The following CIT variants were observed in gnomAD, a reference collection of about 807,000 sequenced individuals.
CIT encodes the protein citron Rho-interacting kinase.
Under a neutral mutation model 272.7 loss-of-function variants are expected in CIT, and 79 were observed. The ratio of observed to expected loss-of-function variants is 0.29; its 90% CI spans 0.24 to 0.35. The LOEUF (loss-of-function observed/expected upper bound fraction) is 0.35. Ranked by LOEUF, CIT falls within the 10% of genes least tolerant of loss-of-function variation. The pLI, the probability that CIT is intolerant of heterozygous loss-of-function variation, is 1.00. For missense variants in CIT, 1,909 were observed against 2,618.3 expected, an observed-to-expected ratio of 0.73 and a Z score of 5.91; for synonymous variants, 948 against 995.6, an observed-to-expected ratio of 0.95 and a Z score of 0.90.
At chr12:119,736,025 T>C (rs1430877961) in intron 24 of CIT, among the ~76,000 whole-genome samples, 3 of 152,234 alleles carry the variant, frequency 2.0e-5, no homozygotes, top group Non-Finnish European at 4.4e-5. Context: ...TGTTATTTTA[T>C]TGAGAGAGAT....
intron 5 of CIT, among the ~76,000 whole-genome samples, chr12:119,844,625 TA>T (rs1789074880): frequency 6.6e-6 from 1 of 152,192 alleles, no homozygotes; most frequent in South Asian, 2.1e-4. Context: ...TTTGAGCTTT[TA>T]TGTGAAAACT....
intron 2 of CIT, among the ~76,000 whole-genome samples, chr12:119,874,143 C>T (rs904369167): frequency 1.3e-5 from 2 of 152,100 alleles, no homozygotes; most frequent in Non-Finnish European, 2.9e-5. Flanking sequence ...TCTCGGCTCA[C>T]GACAACCTCC....
At chr12:119,769,717 A>T (rs1260441518) in intron 18 of CIT, among the ~76,000 whole-genome samples, 1 of 152,236 alleles carries the variant, frequency 6.6e-6, no homozygotes, top group Non-Finnish European at 1.5e-5. Context: ...GCAGACATAT[A>T]TACAAAGACT....
At chr12:119,856,637 C>T (rs1229179578) in intron 4 of CIT, among the ~76,000 whole-genome samples, 1 of 152,036 alleles carries the variant, frequency 6.6e-6, no homozygotes, top group Non-Finnish European at 1.5e-5. Flanking sequence ...TTCTCTCTGC[C>T]GAGAACCTAC....
At chr12:119,820,676 T>C (rs886305092) in intron 9 of CIT, among the ~76,000 whole-genome samples, 10 of 151,764 alleles carry the variant, frequency 6.6e-5, no homozygotes, top group African/African-American at 1.9e-4. Flanking sequence ...AATAAAAGAT[T>C]TATTAAAATT....
Position 119,721,214 on chromosome 12 carries a change from T to G in CIT, c.3732+95A>C, listed in dbSNP as rs1347074243. Reference sequence around the variant, plus strand: ...ACTCCTGACCTCAAGTAATCTGCCCTCCTCAGCCTCCCGAAGTGCTGGGAT... The same window carrying G: ...ACTCCTGACCTCAAGTAATCTGCCCGCCTCAGCCTCCCGAAGTGCTGGGAT... On this transcript the variant is annotated intron_variant, in intron 29 of 47. Coordinates refer to ENST00000392521, the MANE Select transcript of CIT (RefSeq NM_001206999.2). The G allele has an allele frequency of 2.6e-6, 3 of 1,147,798 alleles. No homozygotes were observed. In the East Asian group the frequency reaches 8.0e-5, roughly 30 times the overall value. The allele number at this position is 1,147,798 out of a possible 1,614,324, so 71.1% of individuals were successfully genotyped here.
chr12:119,707,206 A>G (rs970314063), intron 40 of CIT, among the ~76,000 whole-genome samples: 3 of 152,112 alleles, frequency 2.0e-5, no homozygotes, highest in African/African-American at 7.2e-5. Flanking sequence ...ATGCAAACAC[A>G]CTTATTTTTA....
In CIT at chr12:119,728,468, C is replaced by T. The variant is rs745338553; in HGVS notation, c.3591+34G>A. 1 of 1,403,130 alleles carries T rather than the reference C, an allele frequency of 7.1e-7. No homozygotes were observed. Among genetic ancestry groups the T allele is most frequent in the Non-Finnish European group, 9.9e-7 (1 of 1,013,104 alleles). The allele number at this position is 1,403,130 out of a possible 1,614,324, so 86.9% of individuals were successfully genotyped here. A position where few individuals can be genotyped will look rare whatever the true frequency, so the allele number is the denominator to read the frequency against. On this transcript the variant is annotated intron_variant, in intron 28 of 47. Coordinates refer to ENST00000392521, the MANE Select transcript of CIT (RefSeq NM_001206999.2). This position sits in a 1 kb window ranked among gnomAD's most constrained non-coding sequence, Gnocchi z 4.3. Reference sequence around the variant, plus strand: ...AGCCTATTAAAAGAAAAAAAAAATCCACTTGGCCCTTCTCCCAGGTATTTC... The same window carrying T: ...AGCCTATTAAAAGAAAAAAAAAATCTACTTGGCCCTTCTCCCAGGTATTTC...
Position 119,735,212 on chromosome 12 carries a change from T to C in CIT, c.3104A>G (p.His1035Arg), listed in dbSNP as rs1958685548. 1.9e-6 allele frequency: 3 copies of C among 1,614,074 alleles called. No individual in the cohort carries two copies. Among genetic ancestry groups the C allele is most frequent in the Non-Finnish European group, 2.5e-6 (3 of 1,180,044 alleles). The change falls in exon 25 of 48, where the codon CAT becomes CGT. Residue 1035 changes from histidine to arginine, a missense_variant. Coordinates refer to ENST00000392521, the MANE Select transcript of CIT (RefSeq NM_001206999.2). ...EIVQLRSEVD[H>R]LRREITEREM... is the part of the protein sequence containing the mutation. ...TCGTTCCGTGATCTCCCGGCGGAGA[T>C]GGTCCACTTCACTTCGCAGTTGTAC...
chr12:119,849,014 AAAG>A (rs1302717812), intron 5 of CIT, among the ~76,000 whole-genome samples: 3 of 152,030 alleles, frequency 2.0e-5, no homozygotes, highest in Non-Finnish European at 4.4e-5. Context: ...GGTCTCAAAA[AAAG>A]AAGAAAAGAA....
chr12:119,704,043 C>G (rs1311776253), intron 41 of CIT, among the ~76,000 whole-genome samples: 4 of 152,150 alleles, frequency 2.6e-5, no homozygotes, highest in African/African-American at 4.8e-5. Flanking sequence ...AAGAGCCCCC[C>G]CTTTTTTTTT....
rs943263428 is a variant in CIT at position 119,740,008 on chromosome 12, G to T, written c.2958+2403C>A. Among the ~76,000 whole-genome samples the T allele has an allele frequency of 2.6e-5, 4 of 152,298 alleles. No homozygotes were observed. The East Asian group carries it at 7.7e-4, about 29-fold the overall frequency. On this transcript the variant is annotated intron_variant, in intron 24 of 47. Coordinates refer to ENST00000392521, the MANE Select transcript of CIT (RefSeq NM_001206999.2). ...ACAGAGGCTTAGTAGGATAATACAC[G>T]TAGGTTACTAAGAGGCCAATTTATA...
chr12:119,707,350 T>C (rs529640941), intron 40 of CIT, among the ~76,000 whole-genome samples: 2 of 152,302 alleles, frequency 1.3e-5, no homozygotes, highest in East Asian at 3.9e-4. Flanking sequence ...GCAACAGAAA[T>C]TTAACCTAGT....
chr12:119,738,755 T>C (rs1206998082), intron 24 of CIT, among the ~76,000 whole-genome samples: 2 of 151,880 alleles, frequency 1.3e-5, no homozygotes, highest in African/African-American at 2.4e-5. Flanking sequence ...TGGTGGCACA[T>C]GCCTATAATC....
chr12:119,688,395 C>A, intron 47 of CIT, 140 bp from the exon 48 acceptor site: 1 of 810,708 alleles, frequency 1.2e-6, no homozygotes, highest in Non-Finnish European at 2.1e-6. Flanking sequence ...AGGGCAGCAC[C>A]CGCTCCAGAG....
At chr12:119,727,939 T>C (rs1348793644) in intron 28 of CIT, among the ~76,000 whole-genome samples, 2 of 148,664 alleles carry the variant, frequency 1.3e-5, no homozygotes, top group Non-Finnish European at 3.0e-5. Context: ...AAAAAAAGAC[T>C]CCAGAGAGAA....
intron 24 of CIT, among the ~76,000 whole-genome samples, chr12:119,740,308 G>C (rs1958994593): frequency 6.6e-6 from 1 of 152,180 alleles, no homozygotes; most frequent in Non-Finnish European, 1.5e-5. Context: ...TAAACTTCCA[G>C]TTTTTAAAAT....
At position 119,868,222 on chromosome 12, in the gene CIT, CA is replaced by C. The variant is rs1299253586; in HGVS notation, c.238+837del. The stretch of plus-strand genomic sequence containing the variant: ...GGGTAATAGGGCAAGACTCTGTCTC[CA>C]AAAAAAACAAAAATTATATTTTATG... On this transcript the variant is annotated intron_variant, in intron 3 of 47. Coordinates refer to ENST00000392521, the MANE Select transcript of CIT (RefSeq NM_001206999.2). Among the ~76,000 whole-genome samples the C allele has an allele frequency of 6.7e-5, 10 of 149,800 alleles. No individual in the cohort carries two copies. In the Middle Eastern group the frequency reaches 0.01, roughly 155 times the overall value.
rs139963849 is a variant in CIT, at chr12:119,744,355, C to T, written c.2905-1891G>A. ...ATGTATGAAAACCCAAATAAGAACC[C>T]AGAACCCAGTTTAGGGCAGATGTAA... On this transcript the variant is annotated intron_variant, in intron 23 of 47. Transcript: ENST00000392521. Among the ~76,000 whole-genome samples the T allele has an allele frequency of 1.1e-3, 162 of 151,890 alleles. 1 individual carries two copies. The highest frequency in any genetic ancestry group is 3.7e-3 in the African/African-American group (153 of 41,406).
Sources: gnomAD v4.1 joint callset for allele counts (sites outside exome capture counted in the v4.1 genomes callset) on GRCh38, gnomAD v4.1.1 for gene constraint, Gnocchi (gnomAD v3.1) non-coding constraint, MANE v1.5 for transcripts, NCBI Gene and HGNC (gene_info 2026-07-23, HGNC 2026-07-21) for gene names.